The following SCN10A variants were observed in gnomAD, a reference collection of about 807,000 sequenced individuals.
SCN10A encodes sodium channel protein type 10 subunit alpha.
SCN10A carries 162 observed loss-of-function variants against 170.7 expected under a neutral mutation model. The observed-to-expected ratio is 0.95, with a 90% CI of 0.84 to 1.08. The LOEUF is 1.08. SCN10A is among the 50% of genes least tolerant of loss of function. SCN10A has a pLI of 0.00. For synonymous variants in SCN10A, 985 were observed against 904.6 expected, an observed-to-expected ratio of 1.09 and a Z score of -1.59; for missense variants, 2,527 against 2,436.9, an observed-to-expected ratio of 1.04 and a Z score of -0.78.
intron 22 of SCN10A, among the ~76,000 whole-genome samples, chr3:38,713,475 G>A (rs1056502113): frequency 7.9e-5 from 12 of 152,112 alleles, no homozygotes; most frequent in Non-Finnish European, 1.8e-4. Context: ...TGAGGTCTGG[G>A]TCCTGGTGGC....
chr3:38,800,253 T>A (rs2064363463), intron 1 of SCN10A, among the ~76,000 whole-genome samples: 1 of 152,192 alleles, frequency 6.6e-6, no homozygotes, highest in Non-Finnish European at 1.5e-5. Context: ...GAACTTCACA[T>A]GCCAGTCCAC....
At position 38,718,674 on chromosome 3, in the gene SCN10A, C is replaced by T. The variant is rs757805145; in HGVS notation, c.3660G>A (p.Trp1220Ter). 6 of 1,614,212 alleles carry T rather than the reference C, an allele frequency of 3.7e-6. No individual in the cohort carries two copies. Among genetic ancestry groups the T allele is most frequent in the Non-Finnish European group, 5.1e-6 (6 of 1,180,024 alleles). The change falls in exon 21 of 28, where the codon TGG becomes TGA. Residue 1220 changes from tryptophan (W) to a stop codon, truncating the protein, a stop_gained. Coordinates refer to ENST00000449082, the MANE Select transcript of SCN10A (RefSeq NM_006514.4). LOFTEE classifies it high-confidence loss of function. Reference sequence around the variant, plus strand: ...TCACATTCACAATGAGGAAGTCCAGCCAGCACCAGGCATTGGTGAAGTACT... The same window carrying T: ...TCACATTCACAATGAGGAAGTCCAGTCAGCACCAGGCATTGGTGAAGTACT... ...FKKYFTNAWC[W>*]LDFLIVNISL...
In SCN10A at chr3:38,757,166, C is replaced by A; in HGVS notation, c.951-7G>T. Reference sequence around the variant, plus strand: ...ATAACCATCAGGGCAGTGGCTGCAGCAAGAACAGAGAAGGTCATCCCCTGC... The same window carrying A: ...ATAACCATCAGGGCAGTGGCTGCAGAAAGAACAGAGAAGGTCATCCCCTGC... On this transcript the variant is annotated splice_region_variant and splice_polypyrimidine_tract_variant and intron_variant, in intron 8 of 27. Transcript: ENST00000449082. The A allele has an allele frequency of 1.3e-6, 2 of 1,590,116 alleles. No individual in the cohort carries two copies. The highest frequency in any genetic ancestry group is 1.2e-5 in the South Asian group (1 of 86,246).
intron 4 of SCN10A, among the ~76,000 whole-genome samples, chr3:38,781,507 T>C (rs1444031643): frequency 2.0e-5 from 3 of 152,088 alleles, no homozygotes; most frequent in Admixed American, 6.6e-5. Flanking sequence ...GGCTATGAAG[T>C]TTTGCCTCAT....
At chr3:38,745,795 T>C (rs1490761379) in intron 13 of SCN10A, among the ~76,000 whole-genome samples, 1 of 152,034 alleles carries the variant, frequency 6.6e-6, no homozygotes, top group Non-Finnish European at 1.5e-5. Context: ...CTATTCTTTC[T>C]GAAGAAATTT....
chr3:38,734,992 A>G (rs1472204326), intron 15 of SCN10A, among the ~76,000 whole-genome samples: 2 of 152,050 alleles, frequency 1.3e-5, no homozygotes, highest in African/African-American at 2.4e-5. Flanking sequence ...AACACGGTGA[A>G]ACCCCGTCTC....
intron 15 of SCN10A, among the ~76,000 whole-genome samples, chr3:38,736,610 C>CAAACACAAA (rs1392213952): frequency 6.6e-6 from 1 of 151,940 alleles, no homozygotes; most frequent in Non-Finnish European, 1.5e-5. Context: ...GAGGTTTTGG[C>CAAACACAAA]AAACACAAAA....
At chr3:38,702,230 A>G (rs2063164197) in intron 26 of SCN10A, 121 bp from the exon 27 acceptor site, 1 of 1,040,830 alleles carries the variant, frequency 9.6e-7, no homozygotes, top group African/African-American at 1.6e-5. Flanking sequence ...GCGAAATACT[A>G]TCCTTACCTC....
At chr3:38,803,789 A>C (rs1002174244) in intron 1 of SCN10A, among the ~76,000 whole-genome samples, 5 of 152,162 alleles carry the variant, frequency 3.3e-5, no homozygotes, top group African/African-American at 1.2e-4. Flanking sequence ...CCTAGAACTT[A>C]AAGTATATAA....
In SCN10A at chr3:38,803,592, T is replaced by C. The variant is rs191380414; in HGVS notation, c.-32-9550A>G. On this transcript the variant is annotated intron_variant, in intron 1 of 27. Coordinates refer to ENST00000449082, the MANE Select transcript of SCN10A (RefSeq NM_006514.4). ...GCATGTTCTCACTCATAGGTGGGAA[T>C]TGAAAAATGAGAACACATGGACACA... Among the ~76,000 whole-genome samples the C allele has an allele frequency of 1.5e-3, 211 of 139,808 alleles. 4 individuals carry two copies. In the East Asian group the frequency reaches 0.038, roughly 25 times the overall value. The allele number at this position is 139,808 out of a possible 152,430, so 91.7% of individuals were successfully genotyped here. A position where few individuals can be genotyped will look rare whatever the true frequency, so the allele number is the denominator to read the frequency against.
At chr3:38,712,529 G>C in intron 22 of SCN10A, 84 bp from the exon 23 acceptor site, 7 of 1,414,812 alleles carry the variant, frequency 4.9e-6, no homozygotes, top group East Asian at 2.3e-5. Flanking sequence ...ACTCATTCAG[G>C]CTGCTTCATG....
chr3:38,702,384 T>C (rs1298698293), intron 26 of SCN10A, among the ~76,000 whole-genome samples: 1 of 152,214 alleles, frequency 6.6e-6, no homozygotes, highest in Non-Finnish European at 1.5e-5. Context: ...TCCTATCTCC[T>C]CTCTTGGCTG....
At chr3:38,756,427 A>G (rs778353317) in intron 10 of SCN10A, among the ~76,000 whole-genome samples, 1 of 152,012 alleles carries the variant, frequency 6.6e-6, no homozygotes, top group Non-Finnish European at 1.5e-5. Flanking sequence ...GTTTAGTTCC[A>G]CCCTCTGCCC....
At chr3:38,737,832 C>CTTTCTTTCTTTCTTTCTTTCT (rs373851282) in intron 15 of SCN10A, among the ~76,000 whole-genome samples, 1 of 70,150 alleles carries the variant, frequency 1.4e-5, no homozygotes, top group African/African-American at 4.9e-5. Context: ...TTCTTTCTTT[C>CTTTCTTTCTTTCTTTCTTTCT]TCTTTCTTCT....
At chr3:38,777,139 A>G (rs2064085714) in intron 4 of SCN10A, among the ~76,000 whole-genome samples, 1 of 152,076 alleles carries the variant, frequency 6.6e-6, no homozygotes, top group Admixed American at 6.6e-5. Flanking sequence ...GCTTTGAATT[A>G]CCATCTTGTT....
intron 3 of SCN10A, among the ~76,000 whole-genome samples, chr3:38,791,609 A>T (rs999081731): frequency 6.6e-6 from 1 of 152,154 alleles, no homozygotes; most frequent in African/African-American, 2.4e-5. Context: ...GTAAGCAGCC[A>T]CTTCTCAGCA....
In SCN10A at chr3:38,788,991, C is replaced by T. The variant is rs1411894200; in HGVS notation, c.435G>A (p.Val145=). 7 of 1,612,138 alleles carry T rather than the reference C, an allele frequency of 4.3e-6. No individual in the cohort carries two copies. Among genetic ancestry groups the T allele is most frequent in the Non-Finnish European group, 5.9e-6 (7 of 1,178,552 alleles). The change falls in exon 4 of 28, where the codon GTG becomes GTA. Residue 145 remains valine, a synonymous_variant. Coordinates refer to ENST00000449082, the MANE Select transcript of SCN10A (RefSeq NM_006514.4). ...CTGGAAGGTCAGTTCGGGTCATGCA[C>T]ACACAATTAACCAAAATAGTGACCG... ...FITVTILVNC[V]CMTRTDLPEK...
Position 38,727,121 on chromosome 3 carries a change from T to C in SCN10A, c.2641-69A>G, listed in dbSNP as rs545100883. The C allele has an allele frequency of 2.7e-6, 4 of 1,464,108 alleles. No homozygotes were observed. In the South Asian group the frequency reaches 3.8e-5, roughly 14 times the overall value. 90.7% of individuals were successfully genotyped at this position (1,464,108 alleles called of 1,614,324 possible). On this transcript the variant is annotated intron_variant, in intron 16 of 27. Transcript: ENST00000449082. ...TGAGCCCCACATTGGCCTACCGGGT[T>C]AGCAGCTGGCTGGCAAGACAGCCAC... is the stretch of plus-strand genomic sequence containing the variant.
chr3:38,728,411 A>G (rs1037057232), intron 16 of SCN10A, 131 bp downstream of exon 16: 4 of 1,001,664 alleles, frequency 4.0e-6, no homozygotes, highest in Admixed American at 5.8e-5. Flanking sequence ...ATGAATTTGA[A>G]AAGTTTGAAG....
Sources: gnomAD v4.1 joint callset for allele counts (sites outside exome capture counted in the v4.1 genomes callset) on GRCh38, gnomAD v4.1.1 for gene constraint, MANE v1.5 for transcripts, NCBI Gene and HGNC (gene_info 2026-07-23, HGNC 2026-07-21) for gene names.